The following PPARGC1A variants were observed in gnomAD, a reference collection of about 807,000 sequenced individuals.
PPARGC1A encodes PPARG coactivator 1 alpha, also known as peroxisome proliferator-activated receptor gamma coactivator 1-alpha.
PPARGC1A carries 25 observed loss-of-function variants against 88.7 expected under a neutral mutation model. The observed-to-expected ratio is 0.28, with a 90% CI of 0.21 to 0.39. The LOEUF (loss-of-function observed/expected upper bound fraction) is 0.39, where lower values mean the gene tolerates loss of function less well. PPARGC1A is among the 10% of genes least tolerant of loss of function. PPARGC1A has a pLI of 1.00. For synonymous variants in PPARGC1A, 363 were observed against 355.6 expected (o/e 1.02, Z -0.24); for missense variants, 880 against 968.7 (o/e 0.91, Z 1.22).
intron 2 of PPARGC1A, among the ~76,000 whole-genome samples, chr4:23,880,368 C>T (rs1188712685): frequency 6.6e-6 from 1 of 152,138 alleles, no homozygotes; most frequent in Non-Finnish European, 1.5e-5. Flanking sequence ...TTCATTCTAT[C>T]AATAAACACA....
the PPARGC1A span, among the ~76,000 whole-genome samples, chr4:24,069,661 G>T: frequency 6.6e-6 from 1 of 152,154 alleles, no homozygotes; most frequent in Non-Finnish European, 1.5e-5. Context: ...TTTCAAAACA[G>T]GTTGAAAGAA....
the PPARGC1A span, among the ~76,000 whole-genome samples, chr4:24,317,555 TA>T: frequency 0.012 from 267 of 22,164 alleles, 1 homozygote; most frequent in East Asian, 0.067. Context: ...TTCAGAGGAC[TA>T]AAAAAAAAAA....
the PPARGC1A span, among the ~76,000 whole-genome samples, chr4:23,915,162 A>C: frequency 2.6e-5 from 4 of 152,130 alleles, no homozygotes; most frequent in Admixed American, 2.6e-4. Context: ...TTTAAAATTT[A>C]TTTTCTTTTT....
the PPARGC1A span, among the ~76,000 whole-genome samples, chr4:23,920,987 A>G: frequency 6.6e-6 from 1 of 152,142 alleles, no homozygotes; most frequent in Non-Finnish European, 1.5e-5. Flanking sequence ...AGGCTAGAGG[A>G]CACAACCCAG....
chr4:23,902,302 A>C (rs1002044071), upstream of PPARGC1A, among the ~76,000 whole-genome samples: 23 of 152,278 alleles, frequency 1.5e-4, no homozygotes, highest in African/African-American at 5.5e-4. Flanking sequence ...GATGCATATA[A>C]AATTTATAAA....
the PPARGC1A span, among the ~76,000 whole-genome samples, chr4:24,202,445 G>A: frequency 5.3e-5 from 8 of 152,120 alleles, no homozygotes; most frequent in African/African-American, 1.9e-4. Flanking sequence ...AGATGTTCAT[G>A]AATTCAGTGC....
At chr4:23,938,619 A>C in the PPARGC1A span, among the ~76,000 whole-genome samples, 2 of 152,212 alleles carry the variant, frequency 1.3e-5, no homozygotes, top group Non-Finnish European at 2.9e-5. Context: ...CACCATGAAC[A>C]TGAATGGGAG....
intron 2 of PPARGC1A, among the ~76,000 whole-genome samples, chr4:23,856,408 T>C (rs1319356205): frequency 6.6e-6 from 1 of 152,208 alleles, no homozygotes; most frequent in Non-Finnish European, 1.5e-5. Flanking sequence ...TTGGCTTTCA[T>C]CAGCCCCATC....
At chr4:24,430,502 C>A in the PPARGC1A span, among the ~76,000 whole-genome samples, 3 of 151,842 alleles carry the variant, frequency 2.0e-5, no homozygotes, top group Admixed American at 1.3e-4. Flanking sequence ...ACCTCGTGAT[C>A]CCCCTGCCTC....
the PPARGC1A span, among the ~76,000 whole-genome samples, chr4:24,290,755 T>C: frequency 6.6e-6 from 1 of 151,820 alleles, no homozygotes; most frequent in African/African-American, 2.4e-5. Flanking sequence ...AAAAAAAAAA[T>C]TCAGTTAGTG....
intron 1 of PPARGC1A, among the ~76,000 whole-genome samples, chr4:23,898,226 G>A (rs563657250): frequency 6.6e-6 from 1 of 152,290 alleles, no homozygotes; most frequent in South Asian, 2.1e-4. Context: ...AAGGTCATAT[G>A]CCTAATATTT....
At chr4:24,281,658 C>CT in the PPARGC1A span, among the ~76,000 whole-genome samples, 1 of 152,186 alleles carries the variant, frequency 6.6e-6, no homozygotes. Context: ...TGAATATTTA[C>CT]TATACAGCAG....
chr4:23,812,658 T>G lies in PPARGC1A; in HGVS notation c.2019+89A>C, dbSNP rs544956917. 2.8e-4 allele frequency: 448 copies of G among 1,580,434 alleles called. 1 individual carries two copies. Among genetic ancestry groups the G allele is most frequent in the Admixed American group, 9.7e-4 (52 of 53,622 alleles). ...GCCTGTTCTAACAAAGACTTAGCTTTTGTTTATTTTCTAATCTATCACCAA... is the reference window on the plus strand; with the variant it reads ...GCCTGTTCTAACAAAGACTTAGCTTGTGTTTATTTTCTAATCTATCACCAA... On this transcript the variant is annotated intron_variant, in intron 10 of 12. Transcript: ENST00000264867.
chr4:23,996,376 C>T, the PPARGC1A span, among the ~76,000 whole-genome samples: 6 of 152,146 alleles, frequency 3.9e-5, no homozygotes, highest in South Asian at 1.0e-3. Flanking sequence ...AAAAGTCCCC[C>T]TATCCATTCG....
chr4:24,094,338 G>C, the PPARGC1A span, among the ~76,000 whole-genome samples: 1 of 152,266 alleles, frequency 6.6e-6, no homozygotes, highest in South Asian at 2.1e-4. Flanking sequence ...AATCTAGCTA[G>C]AACATAGATC....
chr4:24,263,637 C>T, the PPARGC1A span, among the ~76,000 whole-genome samples: 1 of 152,182 alleles, frequency 6.6e-6, no homozygotes, highest in Non-Finnish European at 1.5e-5. Context: ...GACAGCAAGA[C>T]CAACCTCTCC....
At chr4:24,298,952 A>AGTTGTTTAAT in the PPARGC1A span, among the ~76,000 whole-genome samples, 1 of 152,220 alleles carries the variant, frequency 6.6e-6, no homozygotes, top group African/African-American at 2.4e-5. Flanking sequence ...TTTAATGATA[A>AGTTGTTTAAT]GAACCTAAAC....
At chr4:24,374,187 T>C in the PPARGC1A span, among the ~76,000 whole-genome samples, 1 of 152,228 alleles carries the variant, frequency 6.6e-6, no homozygotes, top group African/African-American at 2.4e-5. Flanking sequence ...TTTTTCCATT[T>C]AGAAAAGCCT....
At chr4:24,118,403 G>A in the PPARGC1A span, among the ~76,000 whole-genome samples, 70 of 152,236 alleles carry the variant, frequency 4.6e-4, no homozygotes, top group Non-Finnish European at 7.9e-4. Flanking sequence ...GCATCTCCTT[G>A]TGGAGTTTTC....
Sources: gnomAD v4.1 joint callset for allele counts (sites outside exome capture counted in the v4.1 genomes callset) on GRCh38, gnomAD v4.1.1 for gene constraint, MANE v1.5 for transcripts, NCBI Gene and HGNC (gene_info 2026-07-23, HGNC 2026-07-21) for gene names.